SH3BP4: variants seen among roughly 807,000 people sequenced by gnomAD.
SH3BP4 encodes the protein SH3 domain binding protein 4.
In SH3BP4, 33 loss-of-function variants were observed where a neutral mutation model predicts 65.5. The ratio of observed to expected loss-of-function variants is 0.50; its 90% CI spans 0.38 to 0.67. SH3BP4 has a LOEUF of 0.67. Among genes scored for constraint, SH3BP4 ranks in the 30% least tolerant of loss-of-function variants. The probability of loss-of-function intolerance (pLI) is 0.00; values close to 1 mark genes in which losing one functional copy is unlikely to be tolerated. For missense variants in SH3BP4, 1,134 were observed against 1,261.4 expected (o/e 0.90, Z 1.53); for synonymous variants, 552 against 545.5 (o/e 1.01, Z -0.17).
rs1042135352 is a variant in SH3BP4 at position 235,030,107 on chromosome 2, G to T, written c.-132-4764G>T. ...GGGGTCTTTTCATCTCAGGCCAGGG[G>T]AGAGCAGACTGATTTTTTTAAAAGC... On this transcript the variant is annotated intron_variant, in intron 2 of 5. Transcript: ENST00000392011. This position sits in a 1 kb window ranked among gnomAD's most constrained non-coding sequence, Gnocchi z 4.1. Among the ~76,000 whole-genome samples, 21 of 152,192 alleles carry T rather than the reference G, an allele frequency of 1.4e-4. No homozygotes were observed. Among genetic ancestry groups the T allele is most frequent in the African/African-American group, 5.1e-4 (21 of 41,446 alleles).
chr2:235,053,408 G>A (rs940999463), intron 5 of SH3BP4, among the ~76,000 whole-genome samples, 184 bp from the exon 6 acceptor site: 1 of 152,140 alleles, frequency 6.6e-6, no homozygotes, highest in Non-Finnish European at 1.5e-5. Flanking sequence ...TTTCCCTCTG[G>A]AATGTGCTGA....
intron 2 of SH3BP4, among the ~76,000 whole-genome samples, chr2:235,001,888 T>G (rs1694111587): frequency 6.6e-6 from 1 of 152,064 alleles, no homozygotes; most frequent in Non-Finnish European, 1.5e-5. Flanking sequence ...TGACATGGAG[T>G]CTTACTCTGT....
chr2:234,961,321 G>A (rs1692702873), intron 1 of SH3BP4, among the ~76,000 whole-genome samples: 1 of 152,170 alleles, frequency 6.6e-6, no homozygotes, highest in Non-Finnish European at 1.5e-5. Flanking sequence ...GCCCAGGCTG[G>A]AGTGCAGTGG....
At chr2:235,028,008 C>T (rs1292212226) in intron 2 of SH3BP4, among the ~76,000 whole-genome samples, 1 of 152,204 alleles carries the variant, frequency 6.6e-6, no homozygotes, top group Non-Finnish European at 1.5e-5. Context: ...GAGTTTGCCG[C>T]CGGAATCTGT....
chr2:235,036,530 C>T (rs1321869898), intron 3 of SH3BP4, among the ~76,000 whole-genome samples: 7 of 151,852 alleles, frequency 4.6e-5, no homozygotes, highest in African/African-American at 7.2e-5. Context: ...CCGAGGCAGG[C>T]GGATCACGAG....
chr2:235,005,802 A>G (rs1303652384), intron 2 of SH3BP4, among the ~76,000 whole-genome samples: 2 of 152,226 alleles, frequency 1.3e-5, no homozygotes, highest in Admixed American at 1.3e-4. Context: ...GAGGAGAGCC[A>G]GAGCATGCTG....
At chr2:235,050,138 C>T (rs749171163) in intron 4 of SH3BP4, among the ~76,000 whole-genome samples, 61 of 151,580 alleles carry the variant, frequency 4.0e-4, no homozygotes, top group African/African-American at 1.4e-3. Context: ...TTTTTTGAGA[C>T]GGAGTCTCGC....
At chr2:234,954,277 T>C (rs567801043) in intron 1 of SH3BP4, among the ~76,000 whole-genome samples, 1 of 152,064 alleles carries the variant, frequency 6.6e-6, no homozygotes, top group East Asian at 1.9e-4. Context: ...TGGGGAGAGG[T>C]ACTTCACAGC....
chr2:235,009,320 C>A (rs576055232), intron 2 of SH3BP4, among the ~76,000 whole-genome samples: 1 of 152,250 alleles, frequency 6.6e-6, no homozygotes, highest in East Asian at 1.9e-4. Flanking sequence ...TTCCAAGGAA[C>A]AAAACTCAGA....
intron 1 of SH3BP4, among the ~76,000 whole-genome samples, chr2:234,986,684 C>T (rs781567830): frequency 1.9e-4 from 29 of 152,132 alleles, no homozygotes; most frequent in Non-Finnish European, 3.8e-4. Flanking sequence ...AGCCTCAGTT[C>T]TCTTATCTGC....
intron 4 of SH3BP4, among the ~76,000 whole-genome samples, chr2:235,050,678 C>G (rs1316989042): frequency 2.0e-5 from 3 of 151,996 alleles, no homozygotes; most frequent in Non-Finnish European, 2.9e-5. Flanking sequence ...TTAGACTCCC[C>G]CCAGGTAAAC....
intron 4 of SH3BP4, among the ~76,000 whole-genome samples, chr2:235,044,410 A>C (rs1269603040): frequency 2.0e-5 from 3 of 152,222 alleles, no homozygotes; most frequent in Non-Finnish European, 4.4e-5. Flanking sequence ...GGCTAGGCTT[A>C]GCCATATCCG....
At chr2:234,959,014 A>G (rs999656998) in intron 1 of SH3BP4, among the ~76,000 whole-genome samples, 2 of 152,034 alleles carry the variant, frequency 1.3e-5, no homozygotes, top group African/African-American at 2.4e-5. Context: ...AGAGGGAAGC[A>G]TTGGGTGTGA....
intron 2 of SH3BP4, among the ~76,000 whole-genome samples, chr2:235,012,685 C>G (rs1186366851): frequency 6.6e-6 from 1 of 152,236 alleles, no homozygotes; most frequent in Non-Finnish European, 1.5e-5. Context: ...ACCCACCTTA[C>G]TCCTCGGAGT....
chr2:234,978,207 C>T lies in SH3BP4; in HGVS notation c.-206-17096C>T, dbSNP rs547658207. Among the ~76,000 whole-genome samples, 1 of 152,216 alleles carries T rather than the reference C, an allele frequency of 6.6e-6. No individual in the cohort carries two copies. The highest frequency in any genetic ancestry group is 2.4e-5 in the African/African-American group (1 of 41,450). On this transcript the variant is annotated intron_variant, in intron 1 of 5. Transcript: ENST00000392011. This position sits in a 1 kb window ranked among gnomAD's most constrained non-coding sequence, Gnocchi z 4.1. ...CCGACCTCAGGTGATCCGCCTGCCTCAGCCTCCCAAAGTGCTGGGATTACA... is the reference window on the plus strand; with the variant it reads ...CCGACCTCAGGTGATCCGCCTGCCTTAGCCTCCCAAAGTGCTGGGATTACA...
At chr2:234,975,949 G>A (rs1465099111) in intron 1 of SH3BP4, among the ~76,000 whole-genome samples, 1 of 152,204 alleles carries the variant, frequency 6.6e-6, no homozygotes, top group Non-Finnish European at 1.5e-5. Flanking sequence ...ACCTCTAGTG[G>A]CTTCCCCACT....
intron 2 of SH3BP4, among the ~76,000 whole-genome samples, chr2:235,022,107 T>C (rs965698069): frequency 1.3e-5 from 2 of 152,226 alleles, no homozygotes; most frequent in Non-Finnish European, 2.9e-5. Flanking sequence ...AAGATTGATA[T>C]GATTAAATAA....
intron 4 of SH3BP4, among the ~76,000 whole-genome samples, chr2:235,051,785 A>G (rs553297715): frequency 1.3e-5 from 2 of 151,894 alleles, no homozygotes; most frequent in South Asian, 2.1e-4. Context: ...TAACTGGCCA[A>G]TGTCAGCACC....
rs962446216 is a variant in SH3BP4, at chr2:235,030,773, A to G, written c.-132-4098A>G. ...TCCCGTGCCAGCCCCCTGTAGATGC[A>G]GTGGTGTCTGGAGGAGCAGAGCTTC... On this transcript the variant is annotated intron_variant, in intron 2 of 5. Transcript: ENST00000392011. The surrounding 1 kb of genome is among the most constrained non-coding windows in gnomAD (Gnocchi z 4.1). 4.6e-5 allele frequency among the ~76,000 whole-genome samples: 7 copies of G among 152,126 alleles called. No individual in the cohort carries two copies. The highest frequency in any genetic ancestry group is 8.8e-5 in the Non-Finnish European group (6 of 67,996).
Sources: allele counts gnomAD v4.1 joint callset (sites outside exome capture counted in the v4.1 genomes callset), GRCh38; gene constraint gnomAD v4.1.1; non-coding constraint Gnocchi (gnomAD v3.1); transcripts MANE v1.5; gene names NCBI Gene and HGNC (gene_info 2026-07-23, HGNC 2026-07-21).